Variants in NKAIN3 observed in about 807,000 individuals in gnomAD.
The protein encoded by NKAIN3 is sodium/potassium transporting ATPase interacting 3, also known as sodium/potassium-transporting ATPase subunit beta-1-interacting protein 3.
Under a neutral mutation model 30.2 loss-of-function variants are expected in NKAIN3, and 25 were observed. The observed-to-expected ratio is 0.83, with a 90% CI of 0.60 to 1.16. NKAIN3 has a LOEUF of 1.16. Among genes scored for constraint, NKAIN3 ranks in the 50% most tolerant of loss-of-function variants. The pLI, the probability that NKAIN3 is intolerant of heterozygous loss-of-function variation, is 0.00. For missense variants in NKAIN3, 225 were observed against 254.1 expected, an observed-to-expected ratio of 0.89 and a Z score of 0.78; for synonymous variants, 91 against 89.6, an observed-to-expected ratio of 1.02 and a Z score of -0.09.
intron 1 of NKAIN3, among the ~76,000 whole-genome samples, chr8:62,512,961 C>G (rs1382688542): frequency 6.6e-6 from 1 of 152,034 alleles, no homozygotes; most frequent in Non-Finnish European, 1.5e-5. Context: ...AGAAATATGG[C>G]AGCAGGGTGA....
intron 4 of NKAIN3, among the ~76,000 whole-genome samples, chr8:62,916,759 T>C (rs1486822914): frequency 6.6e-6 from 1 of 152,144 alleles, no homozygotes; most frequent in South Asian, 2.1e-4. Flanking sequence ...CTTCTCTCAC[T>C]GTTCCTCTGC....
intron 3 of NKAIN3, among the ~76,000 whole-genome samples, chr8:62,622,292 G>T (rs1350377539): frequency 6.6e-6 from 1 of 152,000 alleles, no homozygotes; most frequent in Non-Finnish European, 1.5e-5. Context: ...ATTTCTCTGT[G>T]ATAAATGCCC....
intron 1 of NKAIN3, among the ~76,000 whole-genome samples, chr8:62,443,260 T>TA (rs1287000823): frequency 6.6e-6 from 1 of 152,144 alleles, no homozygotes; most frequent in African/African-American, 2.4e-5. Flanking sequence ...CAAGTATAGA[T>TA]AGACTCATAA....
intron 1 of NKAIN3, among the ~76,000 whole-genome samples, chr8:62,495,584 A>G (rs1240092583): frequency 2.7e-5 from 4 of 149,960 alleles, no homozygotes; most frequent in African/African-American, 2.4e-5. Context: ...ATAATATAAA[A>G]TTTATGTTCT....
At chr8:62,903,001 C>T (rs534945326) in intron 4 of NKAIN3, among the ~76,000 whole-genome samples, 1 of 152,248 alleles carries the variant, frequency 6.6e-6, no homozygotes, top group South Asian at 2.1e-4. Context: ...GTGTCTGCAT[C>T]ACAGAAGTAT....
At chr8:62,492,670 C>T (rs977510314) in intron 1 of NKAIN3, among the ~76,000 whole-genome samples, 1 of 152,110 alleles carries the variant, frequency 6.6e-6, no homozygotes, top group Non-Finnish European at 1.5e-5. Flanking sequence ...AATTTTCTAC[C>T]AATTTTGAAA....
At chr8:62,947,354 T>G (rs1823154723) in intron 5 of NKAIN3, among the ~76,000 whole-genome samples, 1 of 152,178 alleles carries the variant, frequency 6.6e-6, no homozygotes, top group Non-Finnish European at 1.5e-5. Context: ...AAAGTTCTAG[T>G]GAAGAAGAAG....
intron 1 of NKAIN3, among the ~76,000 whole-genome samples, chr8:62,295,307 CTAA>C (rs1237547659): frequency 6.6e-6 from 1 of 152,072 alleles, no homozygotes; most frequent in Non-Finnish European, 1.5e-5. Context: ...GTTTCTGACT[CTAA>C]TTTTTGTAAG....
chr8:62,641,281 T>G (rs1180193415), intron 3 of NKAIN3, among the ~76,000 whole-genome samples: 2 of 152,128 alleles, frequency 1.3e-5, no homozygotes, highest in Non-Finnish European at 1.5e-5. Flanking sequence ...AATGAAAATT[T>G]TAATAATTGC....
At chr8:62,541,962 A>G (rs958219417) in intron 1 of NKAIN3, among the ~76,000 whole-genome samples, 5 of 152,178 alleles carry the variant, frequency 3.3e-5, no homozygotes, top group African/African-American at 1.2e-4. Flanking sequence ...GTTAATAAAA[A>G]ACTCCATTCA....
intron 5 of NKAIN3, among the ~76,000 whole-genome samples, chr8:62,938,937 G>T (rs186406507): frequency 1.3e-5 from 2 of 152,146 alleles, no homozygotes; most frequent in African/African-American, 4.8e-5. Flanking sequence ...TCAGAAGGTC[G>T]ATTATTAGGC....
intron 4 of NKAIN3, among the ~76,000 whole-genome samples, chr8:62,893,928 T>C (rs1328770007): frequency 1.3e-5 from 2 of 152,154 alleles, no homozygotes; most frequent in Non-Finnish European, 2.9e-5. Context: ...TTAAACAATC[T>C]TAATTAATTA....
At chr8:62,412,919 A>AC (rs1382886038) in intron 1 of NKAIN3, among the ~76,000 whole-genome samples, 3 of 82,390 alleles carry the variant, frequency 3.6e-5, no homozygotes, top group Non-Finnish European at 5.2e-5. Context: ...CAAAAAAAAA[A>AC]AACAAAAAAA....
chr8:62,690,706 C>G (rs573788155), intron 3 of NKAIN3, among the ~76,000 whole-genome samples: 2 of 152,284 alleles, frequency 1.3e-5, no homozygotes, highest in East Asian at 3.9e-4. Context: ...TAAGGTTTTC[C>G]CTGACAGCTG....
In NKAIN3 at chr8:62,971,532, T is replaced by C. The variant is rs61326296; in HGVS notation, c.*6125T>C. Among the ~76,000 whole-genome samples, 15,945 of 151,214 alleles carry C rather than the reference T, an allele frequency of 0.11. 887 individuals carry two copies. The highest frequency in any genetic ancestry group is 0.17 in the South Asian group (806 of 4,784). ...CCTATAGTCCCAGCTACTTGGGAGG[T>C]TGAAGTAGGAGGGTTGTTTGAACCT... On this transcript the variant is annotated 3_prime_UTR_variant, in exon 7 of 7. Coordinates refer to ENST00000623646, the MANE Select transcript of NKAIN3 (RefSeq NM_001304533.3).
intron 4 of NKAIN3, among the ~76,000 whole-genome samples, chr8:62,813,731 A>C (rs1484190525): frequency 6.6e-6 from 1 of 151,404 alleles, no homozygotes; most frequent in Non-Finnish European, 1.5e-5. Flanking sequence ...TACCTCATGT[A>C]TTTTCTCTAC....
chr8:62,766,363 C>T (rs1563552745), intron 4 of NKAIN3, among the ~76,000 whole-genome samples: 1 of 152,164 alleles, frequency 6.6e-6, no homozygotes, highest in Non-Finnish European at 1.5e-5. Context: ...ATACACCAAG[C>T]AAGTGGCAGA....
At chr8:62,826,185 CA>C (rs534783646) in intron 4 of NKAIN3, among the ~76,000 whole-genome samples, 177 of 151,966 alleles carry the variant, frequency 1.2e-3, no homozygotes, top group South Asian at 8.3e-4. Context: ...CTTAAAAGAA[CA>C]ATAGATCGTT....
chr8:62,988,853 A>G (rs1824258697), downstream of NKAIN3, among the ~76,000 whole-genome samples: 2 of 152,156 alleles, frequency 1.3e-5, no homozygotes, highest in Admixed American at 1.3e-4. Flanking sequence ...TTTCTATCAC[A>G]TCATCAGGCT....
Sources: allele counts gnomAD v4.1 joint callset (sites outside exome capture counted in the v4.1 genomes callset), GRCh38; gene constraint gnomAD v4.1.1; transcripts MANE v1.5; gene names NCBI Gene and HGNC (gene_info 2026-07-23, HGNC 2026-07-21).